Variants in PTPRO observed in about 807,000 individuals in gnomAD.
The protein encoded by PTPRO is protein tyrosine phosphatase receptor type O.
PTPRO carries 62 observed loss-of-function variants against 145.2 expected under a neutral mutation model. The observed-to-expected ratio is 0.43, with a 90% CI of 0.35 to 0.53. The LOEUF (loss-of-function observed/expected upper bound fraction) is 0.53, where lower values mean the gene tolerates loss of function less well. Ranked by LOEUF, PTPRO falls within the 20% of genes least tolerant of loss-of-function variation. The probability of loss-of-function intolerance (pLI) is 0.01; values close to 1 mark genes in which losing one functional copy is unlikely to be tolerated. For synonymous variants in PTPRO, 565 were observed against 514.7 expected, an observed-to-expected ratio of 1.10 and a Z score of -1.32; for missense variants, 1,345 against 1,482.7, an observed-to-expected ratio of 0.91 and a Z score of 1.53.
intron 5 of PTPRO, among the ~76,000 whole-genome samples, chr12:15,503,022 A>C (rs888310588): frequency 6.6e-6 from 1 of 152,218 alleles, no homozygotes. Flanking sequence ...AAGATGATAC[A>C]GCATTCAACC....
intron 12 of PTPRO, among the ~76,000 whole-genome samples, chr12:15,529,990 A>G (rs912152851): frequency 6.6e-5 from 10 of 152,210 alleles, no homozygotes; most frequent in Non-Finnish European, 1.2e-4. Flanking sequence ...CTTCACCTGT[A>G]AAGACACACA....
At chr12:15,333,654 C>T (rs144992606) in intron 1 of PTPRO, among the ~76,000 whole-genome samples, 55 of 152,210 alleles carry the variant, frequency 3.6e-4, no homozygotes, top group African/African-American at 1.2e-3. Context: ...ATCAGGCAGG[C>T]GCCACTGAGT....
intron 1 of PTPRO, among the ~76,000 whole-genome samples, chr12:15,466,303 C>G (rs570548360): frequency 2.0e-5 from 3 of 151,916 alleles, no homozygotes; most frequent in Non-Finnish European, 4.4e-5. Flanking sequence ...ATTTTAATAG[C>G]GCAAGAAGTA....
rs769454987 is a variant in PTPRO at position 15,565,658 on chromosome 12, G to A, written c.2747+30G>A. Reference sequence around the variant, plus strand: ...GTTTTTCTTACTATGTCATTTAAAAGGATGTTTGTTATAATAATCTTAACG... The same window carrying A: ...GTTTTTCTTACTATGTCATTTAAAAAGATGTTTGTTATAATAATCTTAACG... On this transcript the variant is annotated intron_variant, in intron 18 of 26. Transcript: ENST00000281171. 23 of 1,368,872 alleles carry A rather than the reference G, an allele frequency of 1.7e-5. 1 individual carries two copies. The highest frequency in any genetic ancestry group is 2.4e-5 in the Non-Finnish European group (23 of 963,134). 84.8% of individuals were successfully genotyped at this position (1,368,872 alleles called of 1,614,324 possible).
chr12:15,525,108 C>G (rs1942810511), intron 11 of PTPRO, 143 bp downstream of exon 11: 4 of 989,372 alleles, frequency 4.0e-6, no homozygotes, highest in Non-Finnish European at 6.1e-6. Context: ...AGACAGTGAA[C>G]AAAAATTGAA....
chr12:15,444,839 A>T (rs561476898), intron 1 of PTPRO, among the ~76,000 whole-genome samples: 4 of 152,100 alleles, frequency 2.6e-5, no homozygotes, highest in African/African-American at 9.7e-5. Flanking sequence ...TATCTAGTCC[A>T]TGTTTTTTTT....
In PTPRO at chr12:15,581,658, A is replaced by C. The variant is rs748119946; in HGVS notation, c.3133-21A>C. ...TTTCCTAGCCTGTTTGTTTTAAAAAATTGTTTTGTCCTTGCTCCAGGTGAA... is the reference window on the plus strand; with the variant it reads ...TTTCCTAGCCTGTTTGTTTTAAAAACTTGTTTTGTCCTTGCTCCAGGTGAA... On this transcript the variant is annotated intron_variant, in intron 22 of 26. Transcript: ENST00000281171. 4 of 1,613,130 alleles carry C rather than the reference A, an allele frequency of 2.5e-6. No homozygotes were observed. In the South Asian group the frequency reaches 4.4e-5, roughly 18 times the overall value.
At position 15,379,381 on chromosome 12, in the gene PTPRO, A is replaced by T. The variant is rs75644993; in HGVS notation, c.75+56580A>T. Among the ~76,000 whole-genome samples, 1,005 of 147,584 alleles carry T rather than the reference A, an allele frequency of 6.8e-3. 11 individuals carry two copies. Among genetic ancestry groups the T allele is most frequent in the African/African-American group, 0.025 (945 of 38,448 alleles). On this transcript the variant is annotated intron_variant, in intron 1 of 26. Coordinates refer to ENST00000281171, the MANE Select transcript of PTPRO (RefSeq NM_030667.3). ...CTAAAAATACAAAAAAAAAAAAAAA[A>T]TTACCTGGGCATGGGGGCGCACACC...
intron 1 of PTPRO, among the ~76,000 whole-genome samples, chr12:15,376,333 C>T (rs912973997): frequency 1.3e-5 from 2 of 152,014 alleles, no homozygotes; most frequent in African/African-American, 4.8e-5. Context: ...TACTGTCAAC[C>T]AAGAATTCTA....
chr12:15,372,657 A>C (rs1938564714), intron 1 of PTPRO, among the ~76,000 whole-genome samples: 1 of 152,234 alleles, frequency 6.6e-6, no homozygotes, highest in Non-Finnish European at 1.5e-5. Flanking sequence ...CAAGTGAAAT[A>C]CCACGCAAGA....
chr12:15,485,319 G>T (rs1286142234), intron 2 of PTPRO, among the ~76,000 whole-genome samples: 1 of 152,128 alleles, frequency 6.6e-6, no homozygotes, highest in African/African-American at 2.4e-5. Flanking sequence ...ATAATGAACA[G>T]ATCTACTAGT....
chr12:15,379,281 G>T (rs541764930), intron 1 of PTPRO, among the ~76,000 whole-genome samples: 19 of 151,736 alleles, frequency 1.3e-4, no homozygotes, highest in Non-Finnish European at 2.4e-4. Flanking sequence ...GCACTTTGGA[G>T]GCAGAGATGA....
rs1385219093 is a variant in PTPRO at position 15,508,818 on chromosome 12, C to T, written c.1464+51C>T. 5 of 1,574,210 alleles carry T rather than the reference C, an allele frequency of 3.2e-6. No individual in the cohort carries two copies. In the South Asian group the frequency reaches 5.6e-5, roughly 18 times the overall value. ...CTCGCCGGTCCTTCCTAAGCACAAC[C>T]TTACAGGGCAATGCCAAGGAGGCAA... On this transcript the variant is annotated intron_variant, in intron 7 of 26. Transcript: ENST00000281171.
intron 1 of PTPRO, among the ~76,000 whole-genome samples, chr12:15,379,244 G>A (rs1012106671): frequency 4.6e-5 from 7 of 151,726 alleles, no homozygotes; most frequent in Non-Finnish European, 1.0e-4. Context: ...AGAGGACCAG[G>A]TGCGCTGGCT....
chr12:15,571,281 CTTTTG>C (rs536686846), intron 19 of PTPRO, among the ~76,000 whole-genome samples: 2 of 151,732 alleles, frequency 1.3e-5, no homozygotes, highest in Non-Finnish European at 2.9e-5. Flanking sequence ...TTTTCTGTCA[CTTTTG>C]TTTTGTTTTG....
At chr12:15,434,138 G>T (rs1458219431) in intron 1 of PTPRO, among the ~76,000 whole-genome samples, 1 of 152,170 alleles carries the variant, frequency 6.6e-6, no homozygotes, top group Admixed American at 6.5e-5. Context: ...CCTTTGCAGA[G>T]TTATATCCCA....
chr12:15,409,819 G>A (rs1030738474), intron 1 of PTPRO, among the ~76,000 whole-genome samples: 1 of 152,132 alleles, frequency 6.6e-6, no homozygotes, highest in Non-Finnish European at 1.5e-5. Flanking sequence ...CAAGGGGGAG[G>A]GTGCTAAACC....
At chr12:15,339,916 A>G (rs1040980282) in intron 1 of PTPRO, among the ~76,000 whole-genome samples, 6 of 152,200 alleles carry the variant, frequency 3.9e-5, no homozygotes, top group Non-Finnish European at 7.3e-5. Flanking sequence ...CCATGCCACC[A>G]ACTCAACAAT....
chr12:15,522,478 G>A (rs1179473510), intron 10 of PTPRO, among the ~76,000 whole-genome samples: 1 of 151,484 alleles, frequency 6.6e-6, no homozygotes, highest in East Asian at 1.9e-4. Context: ...TCATAACTAG[G>A]TATGCTTTCA....
Sources: allele counts gnomAD v4.1 joint callset (sites outside exome capture counted in the v4.1 genomes callset), GRCh38; gene constraint gnomAD v4.1.1; transcripts MANE v1.5; gene names NCBI Gene and HGNC (gene_info 2026-07-23, HGNC 2026-07-21).